Variants in MSH3 observed in about 807,000 individuals in gnomAD.
MSH3 encodes DNA mismatch repair protein Msh3.
MSH3 carries 106 observed loss-of-function variants against 123.3 expected under a neutral mutation model. That is an observed-to-expected ratio of 0.86 (90% CI 0.73 to 1.01). The LOEUF is 1.01. Ranked by LOEUF, MSH3 falls within the 50% of genes least tolerant of loss-of-function variation. MSH3 has a pLI of 0.00. For missense variants in MSH3, 1,459 were observed against 1,347.6 expected (o/e 1.08, Z -1.29); for synonymous variants, 515 against 481.4 (o/e 1.07, Z -0.91).
intron 8 of MSH3, among the ~76,000 whole-genome samples, chr5:80,713,850 G>A (rs115934250): frequency 0.016 from 2,374 of 152,168 alleles, 56 homozygotes; most frequent in African/African-American, 0.054. Flanking sequence ...GAAAATGCTC[G>A]CTCTCCTCTA....
intron 12 of MSH3, among the ~76,000 whole-genome samples, chr5:80,752,808 C>T (rs144551249): frequency 6.6e-6 from 1 of 152,232 alleles, no homozygotes; most frequent in African/African-American, 2.4e-5. Flanking sequence ...GAATATTATA[C>T]AGCAGTTAAA....
chr5:80,791,647 T>C (rs1744607983), intron 18 of MSH3, among the ~76,000 whole-genome samples: 1 of 152,220 alleles, frequency 6.6e-6, no homozygotes, highest in Non-Finnish European at 1.5e-5. Context: ...GTAAAATTAT[T>C]TGTGAAATGA....
At position 80,672,957 on chromosome 5, in the gene MSH3, A is replaced by C; in HGVS notation, c.1027+99A>C. The C allele has an allele frequency of 3.3e-6, 3 of 912,604 alleles. No homozygotes were observed. The South Asian group carries it at 3.9e-5, about 12-fold the overall frequency. 56.5% of individuals were successfully genotyped at this position (912,604 alleles called of 1,614,324 possible). ...GTTTGTTTTTTAGTTGCTCTTTGGGAACTTTTTAGATGAGCTGAGAGGCAT... is the reference window on the plus strand; with the variant it reads ...GTTTGTTTTTTAGTTGCTCTTTGGGCACTTTTTAGATGAGCTGAGAGGCAT... On this transcript the variant is annotated intron_variant, in intron 6 of 23. Coordinates refer to ENST00000265081, the MANE Select transcript of MSH3 (RefSeq NM_002439.5).
At chr5:80,743,491 C>G (rs79058365) in intron 11 of MSH3, among the ~76,000 whole-genome samples, 1,995 of 152,018 alleles carry the variant, frequency 0.013, 20 homozygotes, top group Non-Finnish European at 0.017. Context: ...TTGCTATGTT[C>G]AGCACATAGG....
chr5:80,833,011 A>C (rs763919240), intron 20 of MSH3, among the ~76,000 whole-genome samples: 1 of 152,182 alleles, frequency 6.6e-6, no homozygotes, highest in African/African-American at 2.4e-5. Flanking sequence ...TCTCATAAAA[A>C]CAAACTGTTT....
intron 20 of MSH3, among the ~76,000 whole-genome samples, chr5:80,829,010 C>T (rs1205662412): frequency 6.6e-6 from 1 of 152,210 alleles, no homozygotes; most frequent in Non-Finnish European, 1.5e-5. Context: ...CTCCACTAGA[C>T]ATTACCCCAC....
chr5:80,807,536 C>T (rs1221041959), intron 19 of MSH3, among the ~76,000 whole-genome samples: 1 of 152,152 alleles, frequency 6.6e-6, no homozygotes, highest in Non-Finnish European at 1.5e-5. Flanking sequence ...GTGAGAAGTA[C>T]CTCCTACTAC....
At chr5:80,755,163 T>C (rs1223071551) in intron 12 of MSH3, among the ~76,000 whole-genome samples, 1 of 152,084 alleles carries the variant, frequency 6.6e-6, no homozygotes. Context: ...CTCTGCCGGT[T>C]TGAATGAGAG....
chr5:80,792,739 T>A lies in MSH3; in HGVS notation c.2550T>A (p.Thr850=), dbSNP rs755053290. 3 of 1,603,612 alleles carry A rather than the reference T, an allele frequency of 1.9e-6. No homozygotes were observed. Among genetic ancestry groups the A allele is most frequent in the Non-Finnish European group, 2.6e-6 (3 of 1,171,002 alleles). The change falls in exon 19 of 24, where the codon ACT becomes ACA. Residue 850 remains threonine (T), a synonymous_variant. Transcript: ENST00000265081. ...VAKQGDYCRP[T]VQEERKIVIK... ...ACATATTTCTTTTTTGCAGACCAAC[T>A]GTACAAGAAGAAAGAAAAATTGTAA... is the stretch of plus-strand genomic sequence containing the variant.
At chr5:80,739,635 T>C (rs898994699) in intron 10 of MSH3, among the ~76,000 whole-genome samples, 23 of 152,238 alleles carry the variant, frequency 1.5e-4, no homozygotes, top group African/African-American at 5.5e-4. Flanking sequence ...GAACACTTGC[T>C]ATCCTTTCAG....
At chr5:80,783,132 T>C (rs1391023090) in intron 17 of MSH3, among the ~76,000 whole-genome samples, 1 of 152,236 alleles carries the variant, frequency 6.6e-6, no homozygotes, top group Non-Finnish European at 1.5e-5. Context: ...CAACACTTCA[T>C]GGTAAACTTC....
At chr5:80,702,037 C>T in intron 8 of MSH3, among the ~76,000 whole-genome samples, 1 of 151,908 alleles carries the variant, frequency 6.6e-6, no homozygotes, top group East Asian at 1.9e-4. Context: ...CCCAAAAACC[C>T]TCTGATACTT....
chr5:80,665,085 T>C, intron 2 of MSH3, 58 bp from the exon 3 acceptor site: 1 of 1,313,456 alleles, frequency 7.6e-7, no homozygotes, highest in East Asian at 2.3e-5. Flanking sequence ...TGGTTATGAA[T>C]TGACATAATG....
At chr5:80,719,133 C>T (rs374549538) in intron 8 of MSH3, among the ~76,000 whole-genome samples, 2 of 151,786 alleles carry the variant, frequency 1.3e-5, no homozygotes, top group East Asian at 1.9e-4. Flanking sequence ...GTGCAACCCC[C>T]GCCTCCCAGG....
At chr5:80,865,354 G>A (rs11741032) in intron 22 of MSH3, among the ~76,000 whole-genome samples, 91 of 151,976 alleles carry the variant, frequency 6.0e-4, no homozygotes, top group Non-Finnish European at 1.1e-3. Context: ...ACTTACTAAG[G>A]GCCATATACT....
intron 10 of MSH3, among the ~76,000 whole-genome samples, chr5:80,729,430 A>G (rs865972223): frequency 0.014 from 1,054 of 77,856 alleles, 46 homozygotes; most frequent in African/African-American, 0.056. Context: ...AAAAAAAAAA[A>G]TGTGTGTGTG....
At chr5:80,663,601 T>TA (rs1646788359) in intron 2 of MSH3, among the ~76,000 whole-genome samples, 1 of 152,100 alleles carries the variant, frequency 6.6e-6, no homozygotes, top group South Asian at 2.1e-4. Context: ...CATACACACT[T>TA]ATAGTATATT....
chr5:80,819,519 C>T (rs1227216094), intron 20 of MSH3, among the ~76,000 whole-genome samples: 1 of 149,648 alleles, frequency 6.7e-6, no homozygotes, highest in African/African-American at 2.5e-5. Context: ...GCTCCTGTCG[C>T]CCAAGCTGGA....
chr5:80,842,030 TG>T (rs1745635028), intron 20 of MSH3, among the ~76,000 whole-genome samples: 1 of 152,354 alleles, frequency 6.6e-6, no homozygotes, highest in East Asian at 1.9e-4. Context: ...AGGGTTTTTA[TG>T]GTTTTAGGTC....
Sources: gnomAD v4.1 joint callset for allele counts (sites outside exome capture counted in the v4.1 genomes callset) on GRCh38, gnomAD v4.1.1 for gene constraint, MANE v1.5 for transcripts, NCBI Gene and HGNC (gene_info 2026-07-23, HGNC 2026-07-21) for gene names.